The following DENND5B variants were observed in gnomAD, a reference collection of about 807,000 sequenced individuals.
DENND5B encodes the protein DENN domain containing 5B, also known as DENN domain-containing protein 5B.
Under a neutral mutation model 140.6 loss-of-function variants are expected in DENND5B, and 34 were observed. That is an observed-to-expected ratio of 0.24 (90% CI 0.18 to 0.32). DENND5B has a LOEUF of 0.32. DENND5B is among the 10% of genes least tolerant of loss of function. DENND5B has a pLI of 1.00. For missense variants in DENND5B, 1,142 were observed against 1,560.2 expected, an observed-to-expected ratio of 0.73 and a Z score of 4.52; for synonymous variants, 551 against 562.1, an observed-to-expected ratio of 0.98 and a Z score of 0.28.
intron 2 of DENND5B, among the ~76,000 whole-genome samples, chr12:31,483,293 G>A (rs1946140936): frequency 6.6e-6 from 1 of 152,142 alleles, no homozygotes; most frequent in Non-Finnish European, 1.5e-5. Context: ...AGTATTTTAG[G>A]CTCTGGAGGC....
At chr12:31,522,253 A>C (rs1023169646) in intron 1 of DENND5B, among the ~76,000 whole-genome samples, 5 of 152,190 alleles carry the variant, frequency 3.3e-5, no homozygotes, top group Non-Finnish European at 7.3e-5. Context: ...GTGCAGTAGA[A>C]AAGGCTAAGC....
In DENND5B at chr12:31,533,922, G is replaced by A. The variant is rs191629086; in HGVS notation, c.128-38003C>T. On this transcript the variant is annotated intron_variant, in intron 1 of 20. Coordinates refer to ENST00000389082, the MANE Select transcript of DENND5B (RefSeq NM_144973.4). ...TTTCCTTTAACTTATGAAGATTCAA[G>A]TCACTAATATGTTAGTTCTTCTGGT... Among the ~76,000 whole-genome samples the A allele has an allele frequency of 2.5e-4, 38 of 151,116 alleles. No individual in the cohort carries two copies. The East Asian group carries it at 7.2e-3, about 29-fold the overall frequency.
rs186021426 is a variant in DENND5B at position 31,544,014 on chromosome 12, A to C, written c.127+46692T>G. 1.4e-4 allele frequency among the ~76,000 whole-genome samples: 21 copies of C among 152,150 alleles called. No homozygotes were observed. In the East Asian group the frequency reaches 4.1e-3, roughly 29 times the overall value. On this transcript the variant is annotated intron_variant, in intron 1 of 20. Coordinates refer to ENST00000389082, the MANE Select transcript of DENND5B (RefSeq NM_144973.4). ...ACCTGTCTCTACTAAAAATACAAAA[A>C]CTAGTCAGGCATGGTGGCACAAGCC...
chr12:31,570,588 T>C (rs1298099375), intron 1 of DENND5B, among the ~76,000 whole-genome samples: 6 of 140,818 alleles, frequency 4.3e-5, no homozygotes, highest in Non-Finnish European at 7.8e-5. Context: ...AAATTCTCTT[T>C]AAAAAAAAAA....
At chr12:31,486,313 T>C (rs759177596) in intron 2 of DENND5B, among the ~76,000 whole-genome samples, 5 of 152,196 alleles carry the variant, frequency 3.3e-5, no homozygotes, top group Non-Finnish European at 7.4e-5. Flanking sequence ...AGTACCATCT[T>C]AGAAGCAGAG....
chr12:31,408,153 G>C (rs1455257892), intron 14 of DENND5B, among the ~76,000 whole-genome samples: 1 of 151,244 alleles, frequency 6.6e-6, no homozygotes, highest in African/African-American at 2.4e-5. Context: ...AAAATTAGCC[G>C]GGCATGGTGA....
intron 11 of DENND5B, among the ~76,000 whole-genome samples, chr12:31,419,417 T>C (rs1942915089): frequency 6.7e-6 from 1 of 150,290 alleles, no homozygotes; most frequent in Non-Finnish European, 1.5e-5. Flanking sequence ...CATCCAGTCT[T>C]GGCAACAAGA....
At chr12:31,442,663 A>G (rs1451751580) in intron 7 of DENND5B, 112 bp downstream of exon 7, 1 of 1,178,726 alleles carries the variant, frequency 8.5e-7, no homozygotes, top group Middle Eastern at 2.0e-4. Context: ...GTGGTCATGA[A>G]AAAAGTAATC....
chr12:31,433,308 C>T, intron 7 of DENND5B, 60 bp from the exon 8 acceptor site: 1 of 1,437,216 alleles, frequency 7.0e-7, no homozygotes. Flanking sequence ...AAGCATTAAC[C>T]ATTCAACACA....
intron 6 of DENND5B, 130 bp downstream of exon 6, chr12:31,447,408 G>A (rs572463177): frequency 1.9e-4 from 142 of 763,990 alleles, no homozygotes; most frequent in African/African-American, 1.7e-3. Flanking sequence ...AAAGCATTTC[G>A]TGATATAGTA....
chr12:31,498,892 G>T (rs1946888976), intron 1 of DENND5B, among the ~76,000 whole-genome samples: 1 of 146,626 alleles, frequency 6.8e-6, no homozygotes, highest in Middle Eastern at 3.6e-3. Context: ...AGAATCAGTT[G>T]AACCCGGGAG....
intron 8 of DENND5B, among the ~76,000 whole-genome samples, chr12:31,431,162 C>T (rs1943491532): frequency 6.6e-6 from 1 of 152,244 alleles, no homozygotes; most frequent in Admixed American, 6.5e-5. Context: ...ATGAAACAAA[C>T]CACTAGGAAC....
intron 1 of DENND5B, among the ~76,000 whole-genome samples, chr12:31,546,169 T>C (rs1948854644): frequency 6.6e-6 from 1 of 152,052 alleles, no homozygotes; most frequent in African/African-American, 2.4e-5. Context: ...ATATATATGC[T>C]ATATATATGA....
At chr12:31,471,459 G>A (rs967072455) in intron 3 of DENND5B, among the ~76,000 whole-genome samples, 2 of 100,706 alleles carry the variant, frequency 2.0e-5, no homozygotes, top group Non-Finnish European at 3.8e-5. Context: ...CACCATGCCT[G>A]TATTTTTTTT....
At position 31,499,630 on chromosome 12, in the gene DENND5B, G is replaced by A. The variant is rs576223609; in HGVS notation, c.128-3711C>T. On this transcript the variant is annotated intron_variant, in intron 1 of 20. Transcript: ENST00000389082. The stretch of plus-strand genomic sequence containing the variant: ...CCTGAAGTCGTATTTGCAGCACCTT[G>A]GCTCTTGCCATGACGATCTGCTTCT... 32 of 1,504,334 alleles carry A rather than the reference G, an allele frequency of 2.1e-5. No individual in the cohort carries two copies. In the South Asian group the frequency reaches 4.1e-4, roughly 19 times the overall value. The allele number at this position is 1,504,334 out of a possible 1,614,324, so 93.2% of individuals were successfully genotyped here. A position where few individuals can be genotyped will look rare whatever the true frequency, so the allele number is the denominator to read the frequency against.
chr12:31,533,493 TCATCC>T (rs1364332773), intron 1 of DENND5B, among the ~76,000 whole-genome samples: 1 of 152,198 alleles, frequency 6.6e-6, no homozygotes, highest in Non-Finnish European at 1.5e-5. Context: ...AATATAATAA[TCATCC>T]CCTCACTTTT....
At chr12:31,556,430 G>A (rs917606550) in intron 1 of DENND5B, among the ~76,000 whole-genome samples, 4 of 151,798 alleles carry the variant, frequency 2.6e-5, no homozygotes, top group African/African-American at 7.3e-5. Context: ...TTGAACTCCC[G>A]ACCTCAGCTG....
chr12:31,410,845 G>A (rs1015933902), intron 13 of DENND5B, among the ~76,000 whole-genome samples: 1 of 152,166 alleles, frequency 6.6e-6, no homozygotes, highest in Non-Finnish European at 1.5e-5. Flanking sequence ...CTGATACGGT[G>A]AAATGTTTAT....
chr12:31,465,533 AATTTTTGT>A (rs2138328204), intron 3 of DENND5B: 1 of 152,262 alleles, frequency 6.6e-6, no homozygotes, highest in African/African-American at 2.4e-5. Flanking sequence ...ATGCCTGGCT[AATTTTTGT>A]ATTTTTGTAG....
Sources: gnomAD v4.1 joint callset for allele counts (sites outside exome capture counted in the v4.1 genomes callset) on GRCh38, gnomAD v4.1.1 for gene constraint, MANE v1.5 for transcripts, NCBI Gene and HGNC (gene_info 2026-07-23, HGNC 2026-07-21) for gene names.